Variants in PACRGL observed in about 807,000 individuals in gnomAD.
PACRGL encodes the protein parkin coregulated like.
Under a neutral mutation model 34.5 loss-of-function variants are expected in PACRGL, and 38 were observed. The observed-to-expected ratio is 1.10, with a 90% CI of 0.85 to 1.44. The LOEUF (loss-of-function observed/expected upper bound fraction) is 1.44. Among genes scored for constraint, PACRGL ranks in the 40% most tolerant of loss-of-function variants. The pLI is 0.00. For synonymous variants in PACRGL, 128 were observed against 100.1 expected, an observed-to-expected ratio of 1.28 and a Z score of -1.66; for missense variants, 305 against 281.4, an observed-to-expected ratio of 1.08 and a Z score of -0.60.
chr4:20,701,894 A>C, intron 1 of PACRGL: 1 of 456,406 alleles, frequency 2.2e-6, no homozygotes, highest in Non-Finnish European at 4.4e-6. Context: ...GGTAAAGGAT[A>C]AAAATTTTAA....
At chr4:20,702,993 T>C (rs1021092178) in intron 1 of PACRGL, among the ~76,000 whole-genome samples, 1 of 152,238 alleles carries the variant, frequency 6.6e-6, no homozygotes, top group Non-Finnish European at 1.5e-5. Flanking sequence ...TATCAGACTT[T>C]AAGCTGGTAC....
intron 8 of PACRGL, chr4:20,749,795 T>C (rs1177866124): frequency 1.8e-6 from 2 of 1,098,832 alleles, no homozygotes; most frequent in South Asian, 1.4e-5. Flanking sequence ...AAGACTTGGA[T>C]AGCAGTCCAA....
chr4:20,737,419 A>C (rs555333520), downstream of PACRGL, among the ~76,000 whole-genome samples: 19 of 152,302 alleles, frequency 1.2e-4, 1 homozygote, highest in South Asian at 3.9e-3. Context: ...TGAATACTGA[A>C]GAGAAGAATC....
downstream of PACRGL, among the ~76,000 whole-genome samples, chr4:20,734,982 C>T (rs888898549): frequency 3.3e-5 from 5 of 152,082 alleles, no homozygotes; most frequent in Admixed American, 6.6e-5. Context: ...TGTACCAGTG[C>T]GTACCCACAC....
At chr4:20,738,721 G>T (rs1750304166) in intron 8 of PACRGL, among the ~76,000 whole-genome samples, 1 of 152,178 alleles carries the variant, frequency 6.6e-6, no homozygotes, top group African/African-American at 2.4e-5. Context: ...GAGGTACCAG[G>T]TTCATCTAAA....
rs756007928 is a variant in PACRGL, at chr4:20,716,154, G to A, written c.609+2615G>A. The A allele has an allele frequency of 5.0e-6, 7 of 1,406,890 alleles. No individual in the cohort carries two copies. The East Asian group carries it at 7.5e-5, about 15-fold the overall frequency. The allele number at this position is 1,406,890 out of a possible 1,614,324, so 87.2% of individuals were successfully genotyped here. On this transcript the variant is annotated intron_variant, in intron 7 of 8. Coordinates refer to ENST00000503585, the MANE Select transcript of PACRGL (RefSeq NM_001258345.3). ...TCCCAAGACCACTCTTAGGTTTGAT[G>A]ATTTGCCAGAAGGATCCATGGAACT...
intron 7 of PACRGL, among the ~76,000 whole-genome samples, chr4:20,718,009 G>C (rs1453999325): frequency 6.6e-6 from 1 of 151,930 alleles, no homozygotes; most frequent in African/African-American, 2.4e-5. Context: ...CTTTTATTTT[G>C]TTGAGCAGTG....
chr4:20,757,757 C>T (rs1754603489), downstream of PACRGL, among the ~76,000 whole-genome samples: 1 of 152,046 alleles, frequency 6.6e-6, no homozygotes, highest in Non-Finnish European at 1.5e-5. Context: ...CCTTAGTTTC[C>T]ACGTGTGTAT....
In PACRGL at chr4:20,729,855, G is replaced by T. The variant is rs1046518787; in HGVS notation, c.*2514G>T. ...TTACTTTTGAATATTCACAGAGTATGAAATGAGTTAGACCATCCCCTGAAC... is the reference window on the plus strand; with the variant it reads ...TTACTTTTGAATATTCACAGAGTATTAAATGAGTTAGACCATCCCCTGAAC... On this transcript the variant is annotated 3_prime_UTR_variant, in exon 9 of 9. Coordinates refer to ENST00000503585, the MANE Select transcript of PACRGL (RefSeq NM_001258345.3). 7.2e-5 allele frequency: 30 copies of T among 415,256 alleles called. No homozygotes were observed. The South Asian group carries it at 1.4e-3, about 19-fold the overall frequency. The allele number at this position is 415,256 out of a possible 1,614,324, so 25.7% of individuals were successfully genotyped here.
chr4:20,717,938 T>G (rs1421816511), intron 7 of PACRGL, among the ~76,000 whole-genome samples: 1 of 152,216 alleles, frequency 6.6e-6, no homozygotes, highest in East Asian at 1.9e-4. Context: ...TATGGCCATT[T>G]TCACCATATT....
chr4:20,748,533 T>C, intron 8 of PACRGL, among the ~76,000 whole-genome samples: 1 of 139,916 alleles, frequency 7.1e-6, no homozygotes, highest in South Asian at 2.3e-4. Flanking sequence ...CTTCCTCACT[T>C]CCAAAAATAA....
At chr4:20,716,672 T>A (rs1355155619) in intron 7 of PACRGL, among the ~76,000 whole-genome samples, 1 of 152,212 alleles carries the variant, frequency 6.6e-6, no homozygotes, top group Non-Finnish European at 1.5e-5. Context: ...CTCATCCTTT[T>A]TTATGGCTGC....
chr4:20,760,881 TTA>T, the PACRGL span, among the ~76,000 whole-genome samples: 2 of 152,270 alleles, frequency 1.3e-5, no homozygotes, highest in East Asian at 3.9e-4. Flanking sequence ...ATGGTTGATT[TTA>T]TGTGTTTAAC....
intron 8 of PACRGL, among the ~76,000 whole-genome samples, chr4:20,726,393 CTT>C (rs1745646878): frequency 6.6e-6 from 1 of 152,096 alleles, no homozygotes; most frequent in South Asian, 2.1e-4. Context: ...TCTGACTCCT[CTT>C]GTTTCCTCCT....
chr4:20,718,813 C>T (rs1244781472), intron 7 of PACRGL: 1 of 152,116 alleles, frequency 6.6e-6, no homozygotes, highest in Admixed American at 6.6e-5. Flanking sequence ...GTGTCTCTGC[C>T]AGGTTTTGGT....
chr4:20,707,924 A>T, intron 4 of PACRGL, 54 bp downstream of exon 4: 1 of 1,262,664 alleles, frequency 7.9e-7, no homozygotes, highest in Non-Finnish European at 1.2e-6. Context: ...ATTGAGTAAA[A>T]TGAATACAAT....
intron 8 of PACRGL, among the ~76,000 whole-genome samples, chr4:20,740,447 A>C (rs1379439320): frequency 6.6e-6 from 1 of 152,126 alleles, no homozygotes. Flanking sequence ...AGAATTTTCA[A>C]CCCAGAATTT....
chr4:20,722,649 G>A (rs1477419131), intron 7 of PACRGL, among the ~76,000 whole-genome samples: 3 of 152,096 alleles, frequency 2.0e-5, no homozygotes, highest in Non-Finnish European at 4.4e-5. Context: ...TCTAGAAATC[G>A]AGCTAATACC....
chr4:20,698,426 C>T (rs1217654202), upstream of PACRGL, among the ~76,000 whole-genome samples: 1 of 152,146 alleles, frequency 6.6e-6, no homozygotes, highest in African/African-American at 2.4e-5. Flanking sequence ...AGGTATTACT[C>T]CTATCGCCCA....
Sources: gnomAD v4.1 joint callset for allele counts (sites outside exome capture counted in the v4.1 genomes callset) on GRCh38, gnomAD v4.1.1 for gene constraint, MANE v1.5 for transcripts, NCBI Gene and HGNC (gene_info 2026-07-23, HGNC 2026-07-21) for gene names.